The following CCDC85A variants were observed in gnomAD, a reference collection of about 807,000 sequenced individuals.
CCDC85A encodes coiled-coil domain-containing protein 85A.
CCDC85A carries 38 observed loss-of-function variants against 50.2 expected under a neutral mutation model. The observed-to-expected ratio is 0.76, with a 90% CI of 0.58 to 0.99. The LOEUF is 0.99. CCDC85A is among the 50% of genes least tolerant of loss of function. The pLI is 0.00. For synonymous variants in CCDC85A, 366 were observed against 301.4 expected, an observed-to-expected ratio of 1.21 and a Z score of -2.22; for missense variants, 820 against 742.0, an observed-to-expected ratio of 1.11 and a Z score of -1.22.
intron 2 of CCDC85A, among the ~76,000 whole-genome samples, chr2:56,228,527 T>A (rs909867695): frequency 4.1e-5 from 6 of 146,418 alleles, no homozygotes; most frequent in Non-Finnish European, 9.1e-5. Flanking sequence ...CCCTTTATTT[T>A]TTATTTTTTT....
intron 3 of CCDC85A, among the ~76,000 whole-genome samples, chr2:56,357,001 C>T (rs1323496215): frequency 6.6e-6 from 1 of 151,184 alleles, no homozygotes; most frequent in African/African-American, 2.4e-5. Flanking sequence ...ATGACGTGAA[C>T]CTGGGAGGCG....
intron 2 of CCDC85A, among the ~76,000 whole-genome samples, chr2:56,226,256 T>G (rs1311802025): frequency 6.6e-6 from 1 of 152,212 alleles, no homozygotes; most frequent in Non-Finnish European, 1.5e-5. Flanking sequence ...ATAAATATAA[T>G]AAACCTTGGA....
At chr2:56,187,503 G>T (rs911755448) in intron 1 of CCDC85A, among the ~76,000 whole-genome samples, 1 of 152,176 alleles carries the variant, frequency 6.6e-6, no homozygotes, top group Admixed American at 6.5e-5. Flanking sequence ...GAAAGATAAA[G>T]AATTTGGATT....
At chr2:56,345,478 G>A (rs149229306) in intron 3 of CCDC85A, among the ~76,000 whole-genome samples, 34 of 152,304 alleles carry the variant, frequency 2.2e-4, no homozygotes, top group African/African-American at 8.2e-4. Context: ...TTGGACATAT[G>A]CAAAGAATGC....
At chr2:56,204,590 G>C (rs931187364) in intron 2 of CCDC85A, among the ~76,000 whole-genome samples, 4 of 152,206 alleles carry the variant, frequency 2.6e-5, no homozygotes, top group Non-Finnish European at 4.4e-5. Flanking sequence ...TAATCTACCT[G>C]TATGTCTAAT....
intron 2 of CCDC85A, among the ~76,000 whole-genome samples, chr2:56,216,551 C>T (rs1156831572): frequency 2.0e-5 from 3 of 151,682 alleles, no homozygotes; most frequent in Non-Finnish European, 4.4e-5. Context: ...TACCGATTAT[C>T]TATGTTTGTT....
chr2:56,189,295 G>GTATTTTTTTTTTTTTTT (rs773078371), intron 1 of CCDC85A, among the ~76,000 whole-genome samples: 1,467 of 100,046 alleles, frequency 0.015, 136 homozygotes, highest in Non-Finnish European at 0.022. Flanking sequence ...GGTATTTTTG[G>GTATTTTTTTTTTTTTTT]TGTTTTTTTT....
chr2:56,324,213 C>T (rs1433882689), intron 2 of CCDC85A, among the ~76,000 whole-genome samples: 1 of 152,050 alleles, frequency 6.6e-6, no homozygotes, highest in East Asian at 1.9e-4. Flanking sequence ...CCAGTTGGGT[C>T]ATTGGTGCTA....
chr2:56,285,507 A>G (rs2104120175), intron 2 of CCDC85A, among the ~76,000 whole-genome samples: 1 of 145,370 alleles, frequency 6.9e-6, no homozygotes, highest in East Asian at 2.0e-4. Context: ...ATATTATTAT[A>G]GTATATTATA....
intron 2 of CCDC85A, among the ~76,000 whole-genome samples, chr2:56,320,835 A>C (rs908414056): frequency 1.2e-4 from 19 of 152,152 alleles, no homozygotes; most frequent in African/African-American, 4.1e-4. Flanking sequence ...GAGACACAAT[A>C]AAAAAAGAGA....
At chr2:56,312,921 G>T (rs1026853939) in intron 2 of CCDC85A, among the ~76,000 whole-genome samples, 1 of 152,098 alleles carries the variant, frequency 6.6e-6, no homozygotes, top group South Asian at 2.1e-4. Context: ...CTGTAATCCT[G>T]ACATACAAAA....
At chr2:56,319,879 T>C (rs1673089380) in intron 2 of CCDC85A, among the ~76,000 whole-genome samples, 2 of 152,056 alleles carry the variant, frequency 1.3e-5, no homozygotes, top group Admixed American at 1.3e-4. Flanking sequence ...ATTGACCACA[T>C]AGTTGGAAGT....
chr2:56,184,991 C>G, intron 1 of CCDC85A, 91 bp downstream of exon 1: 1 of 1,380,284 alleles, frequency 7.2e-7, no homozygotes, highest in Non-Finnish European at 9.5e-7. Flanking sequence ...CCCTCCCTCC[C>G]TCAACAGGTG....
chr2:56,299,824 C>A (rs891256784), intron 2 of CCDC85A, among the ~76,000 whole-genome samples: 9 of 152,306 alleles, frequency 5.9e-5, no homozygotes, highest in Admixed American at 3.3e-4. Flanking sequence ...TCAGCTGGTG[C>A]TTACCTTCCC....
intron 2 of CCDC85A, among the ~76,000 whole-genome samples, chr2:56,213,069 T>G (rs1339456436): frequency 4.6e-5 from 7 of 152,016 alleles, no homozygotes; most frequent in African/African-American, 1.7e-4. Flanking sequence ...AAAGCTCATA[T>G]GCAAGGTAAT....
chr2:56,356,286 G>C (rs1675221514), intron 3 of CCDC85A, among the ~76,000 whole-genome samples: 1 of 152,140 alleles, frequency 6.6e-6, no homozygotes, highest in Admixed American at 6.5e-5. Flanking sequence ...TTAAGCAAAG[G>C]GGCCTTTATC....
intron 2 of CCDC85A, among the ~76,000 whole-genome samples, chr2:56,253,719 G>A (rs965345461): frequency 2.6e-5 from 4 of 152,148 alleles, no homozygotes; most frequent in Non-Finnish European, 5.9e-5. Flanking sequence ...GAGATGTTTC[G>A]GAGCAAAGAT....
chr2:56,225,621 C>T (rs1668510938), intron 2 of CCDC85A, among the ~76,000 whole-genome samples: 1 of 152,084 alleles, frequency 6.6e-6, no homozygotes, highest in Non-Finnish European at 1.5e-5. Context: ...TATTCTGGTT[C>T]TTTTGAATTT....
intron 2 of CCDC85A, among the ~76,000 whole-genome samples, chr2:56,293,203 A>T (rs1671796114): frequency 1.3e-5 from 2 of 152,340 alleles, no homozygotes; most frequent in Middle Eastern, 3.4e-3. Context: ...AGGCTGGAGG[A>T]TTCCATGTGG....
Sources: gnomAD v4.1 joint callset for allele counts (sites outside exome capture counted in the v4.1 genomes callset) on GRCh38, gnomAD v4.1.1 for gene constraint, MANE v1.5 for transcripts, NCBI Gene and HGNC (gene_info 2026-07-23, HGNC 2026-07-21) for gene names.